Variants in PCDHA2 observed in about 807,000 individuals in gnomAD.
The protein encoded by PCDHA2 is protocadherin alpha 2.
In PCDHA2, 58 loss-of-function variants were observed where a neutral mutation model predicts 66.0. The observed-to-expected ratio is 0.88, with a 90% CI of 0.71 to 1.09. The LOEUF (loss-of-function observed/expected upper bound fraction) is 1.09, where lower values mean the gene tolerates loss of function less well. Among genes scored for constraint, PCDHA2 ranks in the 50% least tolerant of loss-of-function variants. PCDHA2 has a pLI of 0.00. For synonymous variants in PCDHA2, 634 were observed against 554.0 expected (o/e 1.14, Z -2.03); for missense variants, 1,267 against 1,242.3 (o/e 1.02, Z -0.30).
chr5:140,922,735 G>C (rs1370700616), intron 1 of PCDHA2, among the ~76,000 whole-genome samples: 1 of 152,078 alleles, frequency 6.6e-6, no homozygotes, highest in Non-Finnish European at 1.5e-5. Context: ...ACAAGGTTGA[G>C]AAAAATAAAT....
intron 1 of PCDHA2, chr5:140,855,966 T>C (rs1554148056): frequency 7.0e-7 from 1 of 1,422,664 alleles, no homozygotes; most frequent in South Asian, 1.4e-5. Flanking sequence ...AAAATAGATA[T>C]AAGAAATAGG....
At position 140,844,249 on chromosome 5, in the gene PCDHA2, G is replaced by A. The variant is rs2150370021; in HGVS notation, c.2388+46897G>A. Among the ~76,000 whole-genome samples, 545 of 149,548 alleles carry A rather than the reference G, an allele frequency of 3.6e-3. 48 individuals carry two copies. The highest frequency in any genetic ancestry group is 5.8e-3 in the Non-Finnish European group (388 of 66,804). ...TGGTGTTTCACTATTGCCGTTTTAA[G>A]CAGTGTAGTGATAAAATACAGAATG... On this transcript the variant is annotated intron_variant, in intron 1 of 3. Coordinates refer to ENST00000526136, the MANE Select transcript of PCDHA2 (RefSeq NM_018905.3).
chr5:140,949,529 T>C (rs2094389085), intron 1 of PCDHA2, among the ~76,000 whole-genome samples: 1 of 151,910 alleles, frequency 6.6e-6, no homozygotes, highest in South Asian at 2.1e-4. Flanking sequence ...TTTATCTTCA[T>C]AAAATATCGA....
At chr5:140,943,908 C>G (rs1554216015) in intron 1 of PCDHA2, among the ~76,000 whole-genome samples, 1 of 152,198 alleles carries the variant, frequency 6.6e-6, no homozygotes, top group Admixed American at 6.5e-5. Context: ...GTCATGAGCA[C>G]TTTAGCATGA....
intron 1 of PCDHA2, among the ~76,000 whole-genome samples, chr5:140,935,909 T>C (rs1452831803): frequency 6.6e-6 from 1 of 151,600 alleles, no homozygotes; most frequent in African/African-American, 2.4e-5. Flanking sequence ...TTTTTTTTTT[T>C]TGAGACAGAT....
intron 1 of PCDHA2, chr5:140,801,551 T>C (rs374486178): frequency 2.7e-5 from 43 of 1,614,090 alleles, no homozygotes; most frequent in Non-Finnish European, 3.4e-5. Flanking sequence ...AGGTTTTCCA[T>C]GTGGAGGTGG....
chr5:140,928,474 C>T, intron 1 of PCDHA2: 1 of 1,614,090 alleles, frequency 6.2e-7, no homozygotes, highest in Non-Finnish European at 8.5e-7. Flanking sequence ...AGTAGAAGGC[C>T]GGGATGGTGG....
Position 140,796,521 on chromosome 5 carries a change from G to A in PCDHA2, c.1557G>A (p.Ala519=), listed in dbSNP as rs372532219. The A allele has an allele frequency of 9.3e-6, 15 of 1,612,336 alleles. No individual in the cohort carries two copies. The highest frequency in any genetic ancestry group is 3.3e-5 in the Admixed American group (2 of 60,000). ...SVHAESGKVY[A]LQPLDHEEVE... is the part of the protein sequence containing the mutation. ...ACGCGGAGAGCGGCAAGGTGTACGC[G>A]CTGCAGCCGCTGGACCACGAGGAAG... The change falls in exon 1 of 4, where the codon GCG becomes GCA. Residue 519 remains alanine, a synonymous_variant. Transcript: ENST00000526136.
intron 2 of PCDHA2, among the ~76,000 whole-genome samples, chr5:140,979,404 C>T (rs2096848893): frequency 6.6e-6 from 1 of 151,980 alleles, no homozygotes; most frequent in Non-Finnish European, 1.5e-5. Context: ...ATGTTGTCTA[C>T]CTTGTTTTTT....
At chr5:140,943,024 A>C (rs2093406550) in intron 1 of PCDHA2, among the ~76,000 whole-genome samples, 1 of 152,102 alleles carries the variant, frequency 6.6e-6, no homozygotes, top group Admixed American at 6.6e-5. Context: ...TGGGAGGCTG[A>C]GGTGGGTGGA....
At position 140,819,729 on chromosome 5, in the gene PCDHA2, A is replaced by T. The variant is rs1430580335; in HGVS notation, c.2388+22377A>T. On this transcript the variant is annotated intron_variant, in intron 1 of 3. Coordinates refer to ENST00000526136, the MANE Select transcript of PCDHA2 (RefSeq NM_018905.3). ...AAGTAAATATAATTTAACAGATATG[A>T]AAGTGAATCAAAAGTCAAGAGTCTT... 4.6e-5 allele frequency among the ~76,000 whole-genome samples: 7 copies of T among 152,228 alleles called. No individual in the cohort carries two copies. In the East Asian group the frequency reaches 1.2e-3, roughly 25 times the overall value.
chr5:140,799,108 C>T (rs1452645668), intron 1 of PCDHA2, among the ~76,000 whole-genome samples: 1 of 152,072 alleles, frequency 6.6e-6, no homozygotes, highest in African/African-American at 2.4e-5. Context: ...TTTTTCAAAA[C>T]ATTCTTATTT....
intron 1 of PCDHA2, among the ~76,000 whole-genome samples, chr5:140,972,921 C>A (rs2096564401): frequency 6.6e-6 from 1 of 152,090 alleles, no homozygotes; most frequent in Non-Finnish European, 1.5e-5. Context: ...CTTGGCCTCC[C>A]AAAGTGCTGG....
intron 1 of PCDHA2, chr5:140,928,160 C>T (rs782224079): frequency 1.2e-6 from 2 of 1,614,094 alleles, no homozygotes; most frequent in Non-Finnish European, 1.7e-6. Context: ...AGTGGCTCAC[C>T]CCCACTTAGC....
chr5:140,834,556 A>G (rs2150220924), intron 1 of PCDHA2: 2 of 1,613,934 alleles, frequency 1.2e-6, no homozygotes, highest in African/African-American at 2.7e-5. Context: ...GAGCTGGCGG[A>G]GCTGGTGCCG....
intron 3 of PCDHA2, among the ~76,000 whole-genome samples, chr5:141,007,475 C>T (rs575810038): frequency 1.2e-4 from 18 of 151,396 alleles, no homozygotes; most frequent in Non-Finnish European, 2.1e-4. Flanking sequence ...GGCTGAGGCA[C>T]GAGAATTACT....
Position 140,795,783 on chromosome 5 carries a change from G to T in PCDHA2, c.819G>T (p.Pro273=). The T allele has an allele frequency of 6.2e-7, 1 of 1,613,726 alleles. No individual in the cohort carries two copies. The highest frequency in any genetic ancestry group is 8.5e-7 in the Non-Finnish European group (1 of 1,179,834). Residue 273 remains proline (P), a synonymous_variant, in exon 1 of 4, where the codon CCG becomes CCT. Transcript: ENST00000526136. The part of the protein sequence containing the change: ...KLNASDADEG[P]NSEIVYSLGS... The stretch of plus-strand genomic sequence containing the variant: ...ACGCTTCTGATGCAGATGAAGGACC[G>T]AACAGCGAGATTGTGTATTCACTCG...
intron 1 of PCDHA2, chr5:140,884,023 G>C (rs1554181067): frequency 2.5e-6 from 4 of 1,613,202 alleles, no homozygotes; most frequent in Non-Finnish European, 3.4e-6. Flanking sequence ...CGCGGTCGGT[G>C]GGTGCAGGCC....
intron 1 of PCDHA2, among the ~76,000 whole-genome samples, chr5:140,956,442 T>A (rs557521776): frequency 2.6e-5 from 4 of 152,362 alleles, no homozygotes; most frequent in African/African-American, 9.6e-5. Flanking sequence ...GCTTATGTGA[T>A]GAATTACATT....
Sources: gnomAD v4.1 joint callset for allele counts (sites outside exome capture counted in the v4.1 genomes callset) on GRCh38, gnomAD v4.1.1 for gene constraint, MANE v1.5 for transcripts, NCBI Gene and HGNC (gene_info 2026-07-23, HGNC 2026-07-21) for gene names.